Variants in LYRM4 observed in about 807,000 individuals in gnomAD.
The protein encoded by LYRM4 is LYR motif-containing protein 4.
A neutral mutation model predicts 11.7 loss-of-function variants in LYRM4; 9 were observed. That is an observed-to-expected ratio of 0.77 (90% confidence interval 0.46 to 1.34). The LOEUF is 1.34. Ranked by LOEUF, LYRM4 falls within the 40% of genes most tolerant of loss-of-function variation. The pLI is 0.00. For missense variants in LYRM4, 133 were observed against 112.5 expected (o/e 1.18, Z -0.82); for synonymous variants, 42 against 40.4 (o/e 1.04, Z -0.15).
intron 1 of LYRM4, among the ~76,000 whole-genome samples, chr6:5,250,010 C>T (rs1764358715): frequency 6.6e-6 from 1 of 152,116 alleles, no homozygotes; most frequent in African/African-American, 2.4e-5. Flanking sequence ...TGTAATCACA[C>T]TTAGCATACA....
At chr6:5,091,674 G>A in the LYRM4 span, among the ~76,000 whole-genome samples, 1 of 152,242 alleles carries the variant, frequency 6.6e-6, no homozygotes, top group African/African-American at 2.4e-5. Flanking sequence ...TTCCTTTTAA[G>A]ATTTGCTGGT....
At chr6:5,179,447 C>T (rs547274625) in intron 2 of LYRM4, among the ~76,000 whole-genome samples, 1 of 152,280 alleles carries the variant, frequency 6.6e-6, no homozygotes, top group Admixed American at 6.5e-5. Flanking sequence ...ATCACCCAGC[C>T]CCTGGCAATC....
chr6:5,255,227 T>A (rs1430612961), intron 1 of LYRM4, among the ~76,000 whole-genome samples: 1 of 152,206 alleles, frequency 6.6e-6, no homozygotes, highest in Non-Finnish European at 1.5e-5. Context: ...CCAGGAAAAC[T>A]ATTTTCATAG....
chr6:5,120,838 T>C (rs1763421407), intron 2 of LYRM4, among the ~76,000 whole-genome samples: 1 of 152,188 alleles, frequency 6.6e-6, no homozygotes. Context: ...GAGCACTGAT[T>C]GGTGCATTTT....
intron 1 of LYRM4, among the ~76,000 whole-genome samples, chr6:5,218,833 T>C (rs1762425017): frequency 6.6e-6 from 1 of 152,252 alleles, no homozygotes; most frequent in Admixed American, 6.5e-5. Context: ...AGATAGCAGC[T>C]AGGTAAATTA....
In LYRM4 at chr6:5,251,471, A is replaced by C. The variant is rs529533868; in HGVS notation, c.86+9177T>G. On this transcript the variant is annotated intron_variant, in intron 1 of 2. Transcript: ENST00000330636. The stretch of plus-strand genomic sequence containing the variant: ...TTTGGGGAGGCCTCAGGAAGCTTAC[A>C]ATCATGGCAGAAGGTGAAGGGGGAG... Among the ~76,000 whole-genome samples the C allele has an allele frequency of 5.3e-5, 8 of 152,268 alleles. No individual in the cohort carries two copies. In the South Asian group the frequency reaches 6.2e-4, roughly 12 times the overall value.
chr6:5,032,437 T>G, the LYRM4 span: 2 of 152,226 alleles, frequency 1.3e-5, no homozygotes, highest in African/African-American at 4.8e-5. Flanking sequence ...TACAGTTTAA[T>G]GAGTTATGAC....
chr6:5,064,707 A>C, the LYRM4 span, among the ~76,000 whole-genome samples: 1 of 152,110 alleles, frequency 6.6e-6, no homozygotes, highest in Non-Finnish European at 1.5e-5. Context: ...GGCTAGCCTT[A>C]TTATTATTTT....
intron 2 of LYRM4, among the ~76,000 whole-genome samples, chr6:5,171,571 G>T (rs1290709818): frequency 6.6e-6 from 1 of 152,184 alleles, no homozygotes; most frequent in Non-Finnish European, 1.5e-5. Flanking sequence ...ATTTTTATAA[G>T]CAGAAATAAA....
At chr6:5,065,193 C>T in the LYRM4 span, among the ~76,000 whole-genome samples, 2 of 152,156 alleles carry the variant, frequency 1.3e-5, no homozygotes, top group Non-Finnish European at 2.9e-5. Context: ...TGTGGCTTGA[C>T]AGTGTGTTTC....
At chr6:5,126,020 A>G (rs1158936791) in intron 2 of LYRM4, among the ~76,000 whole-genome samples, 2 of 152,246 alleles carry the variant, frequency 1.3e-5, no homozygotes, top group Non-Finnish European at 2.9e-5. Context: ...GCCTTTCACC[A>G]TGCACATGGT....
At chr6:5,233,434 T>C (rs1287973135) in intron 1 of LYRM4, among the ~76,000 whole-genome samples, 2 of 152,114 alleles carry the variant, frequency 1.3e-5, no homozygotes, top group Non-Finnish European at 2.9e-5. Context: ...CCCTGGAACG[T>C]GAGAAGAAAA....
chr6:5,120,288 G>C (rs1763374752), intron 2 of LYRM4, among the ~76,000 whole-genome samples: 1 of 152,188 alleles, frequency 6.6e-6, no homozygotes, highest in African/African-American at 2.4e-5. Context: ...TCCCTCTGCA[G>C]GAATGAGTCC....
intron 2 of LYRM4, among the ~76,000 whole-genome samples, chr6:5,215,142 C>T (rs1762203685): frequency 6.6e-6 from 1 of 152,070 alleles, no homozygotes; most frequent in Non-Finnish European, 1.5e-5. Context: ...TTTACAATCC[C>T]CCTTTTCTAG....
the LYRM4 span, among the ~76,000 whole-genome samples, chr6:5,068,189 C>G: frequency 1.3e-5 from 2 of 152,186 alleles, no homozygotes; most frequent in African/African-American, 4.8e-5. This position sits in a 1 kb window ranked among gnomAD's most constrained non-coding sequence, Gnocchi z 4.0. Flanking sequence ...CCTTACAATT[C>G]TGTTGTCTAT....
At chr6:5,086,437 G>T in the LYRM4 span, 3 of 1,536,540 alleles carry the variant, frequency 2.0e-6, no homozygotes, top group Non-Finnish European at 2.6e-6. Flanking sequence ...CGAAGAGGAC[G>T]CCGACGAGCG....
the LYRM4 span, chr6:5,086,460 C>T: frequency 6.5e-7 from 1 of 1,537,030 alleles, no homozygotes; most frequent in Non-Finnish European, 8.7e-7. Flanking sequence ...GCGTCGCGGT[C>T]CACTTCGCTG....
chr6:5,147,595 T>C (rs1209190947), intron 2 of LYRM4, among the ~76,000 whole-genome samples: 1 of 152,200 alleles, frequency 6.6e-6, no homozygotes, highest in Non-Finnish European at 1.5e-5. Context: ...ACTTTACATA[T>C]GCTCATGTGA....
intron 2 of LYRM4, among the ~76,000 whole-genome samples, chr6:5,143,460 G>A (rs983122437): frequency 6.6e-6 from 1 of 152,208 alleles, no homozygotes; most frequent in Admixed American, 6.5e-5. Context: ...TCGGGAGGTT[G>A]ACAGACACAA....
Sources: gnomAD v4.1 joint callset for allele counts (sites outside exome capture counted in the v4.1 genomes callset) on GRCh38, gnomAD v4.1.1 for gene constraint, Gnocchi (gnomAD v3.1) non-coding constraint, MANE v1.5 for transcripts, NCBI Gene and HGNC (gene_info 2026-07-23, HGNC 2026-07-21) for gene names.